Variants in GSR observed in about 807,000 individuals in gnomAD.
GSR encodes the protein glutathione reductase, mitochondrial.
Under a neutral mutation model 56.5 loss-of-function variants are expected in GSR, and 48 were observed. The ratio of observed to expected loss-of-function variants is 0.85; its 90% confidence interval spans 0.67 to 1.08. GSR has a LOEUF of 1.08. Among genes scored for constraint, GSR ranks in the 50% least tolerant of loss-of-function variants. The pLI is 0.00. For missense variants in GSR, 694 were observed against 703.3 expected (o/e 0.99, Z 0.15); for synonymous variants, 264 against 270.8 (o/e 0.97, Z 0.25).
At chr8:30,719,096 AT>A (rs1397751340) in intron 1 of GSR, among the ~76,000 whole-genome samples, 2 of 116,906 alleles carry the variant, frequency 1.7e-5, no homozygotes, top group Admixed American at 1.2e-4. Context: ...CGCCCAGCTA[AT>A]TTTTAAATTT....
intron 1 of GSR, among the ~76,000 whole-genome samples, chr8:30,724,366 C>A (rs1804654123): frequency 6.6e-6 from 1 of 152,074 alleles, no homozygotes; most frequent in South Asian, 2.1e-4. Context: ...CACTGTGTGT[C>A]CAGAAACTCC....
chr8:30,682,876 G>A (rs191222758), intron 10 of GSR, among the ~76,000 whole-genome samples: 65 of 151,594 alleles, frequency 4.3e-4, no homozygotes, highest in African/African-American at 1.5e-3. Context: ...TTGCCAGGCT[G>A]GAGAGCAGTG....
At chr8:30,696,604 TAA>T in intron 6 of GSR, 125 bp from the exon 7 acceptor site, 1 of 715,926 alleles carries the variant, frequency 1.4e-6, no homozygotes, top group Non-Finnish European at 2.6e-6. Context: ...CAGTTTTCCC[TAA>T]AGTTAATATT....
At chr8:30,718,904 C>G (rs1435593373) in intron 1 of GSR, among the ~76,000 whole-genome samples, 2 of 130,720 alleles carry the variant, frequency 1.5e-5, no homozygotes, top group East Asian at 4.8e-4. Flanking sequence ...ACCACTATGC[C>G]CTGCTAAGGT....
chr8:30,713,040 CT>C (rs923608020), intron 1 of GSR, among the ~76,000 whole-genome samples: 185 of 145,578 alleles, frequency 1.3e-3, no homozygotes, highest in Non-Finnish European at 1.3e-3. Context: ...CAGAAAACTA[CT>C]TTTTTTTTTT....
intron 10 of GSR, 69 bp downstream of exon 10, chr8:30,684,019 G>T: frequency 3.6e-6 from 3 of 835,004 alleles, no homozygotes; most frequent in South Asian, 2.6e-5. Context: ...CTGCAGATTT[G>T]ACAGTGAAGA....
chr8:30,702,341 A>C (rs915984783), intron 5 of GSR, among the ~76,000 whole-genome samples: 2 of 151,924 alleles, frequency 1.3e-5, no homozygotes, highest in Non-Finnish European at 2.9e-5. Context: ...ATAAATAAAT[A>C]AATAATAAAA....
At chr8:30,722,590 TG>T (rs1180245772) in intron 1 of GSR, among the ~76,000 whole-genome samples, 1 of 151,768 alleles carries the variant, frequency 6.6e-6, no homozygotes, top group Non-Finnish European at 1.5e-5. Context: ...AGCCAGGGCA[TG>T]GTGGTGGCCA....
chr8:30,719,466 G>C (rs1189707454), intron 1 of GSR, among the ~76,000 whole-genome samples: 1 of 151,568 alleles, frequency 6.6e-6, no homozygotes, highest in African/African-American at 2.4e-5. Flanking sequence ...GACCAGGCTG[G>C]TCTCAAACTC....
At chr8:30,715,859 CTTCTTT>C (rs1804315080) in intron 1 of GSR, among the ~76,000 whole-genome samples, 1 of 152,046 alleles carries the variant, frequency 6.6e-6, no homozygotes, top group Non-Finnish European at 1.5e-5. Flanking sequence ...TTATTTAAGG[CTTCTTT>C]TTCTAATTTT....
In GSR at chr8:30,727,637, A is replaced by G; in HGVS notation, c.199T>C (p.Tyr67His). The stretch of plus-strand genomic sequence containing the variant: ...CCCGAGCCGCCCCCGATCACCAGGT[A>G]GTCATAGGAGGCCACGGCGCCAGCA... ...PAAGAVASYD[Y>H]LVIGGGSGGL... The change falls in exon 1 of 13, where the codon TAC becomes CAC. Residue 67 changes from tyrosine to histidine, a missense_variant. Transcript: ENST00000221130. 4.0e-6 allele frequency: 6 copies of G among 1,483,210 alleles called. No homozygotes were observed. Among genetic ancestry groups the G allele is most frequent in the East Asian group, 2.8e-5 (1 of 36,100 alleles). 91.9% of individuals were successfully genotyped at this position (1,483,210 alleles called of 1,614,324 possible).
Position 30,679,149 on chromosome 8 carries a change from C to CA in GSR, c.*370dup, listed in dbSNP as rs35555269. 0.25 allele frequency: 26,979 copies of CA among 108,478 alleles called. 2,501 individuals are homozygous for CA. Among genetic ancestry groups the CA allele is most frequent in the East Asian group, 0.42 (1,520 of 3,658 alleles). 6.7% of individuals were successfully genotyped at this position (108,478 alleles called of 1,614,324 possible). On this transcript the variant is annotated 3_prime_UTR_variant, in exon 13 of 13. Transcript: ENST00000221130. ...GGGCAATGAGAGCAAAACTCTGTCT[C>CA]AAAAAAAAAAAAAAAAAAAGTAGCA... is the stretch of plus-strand genomic sequence containing the variant.
At chr8:30,697,307 G>A (rs373203789) in intron 6 of GSR, among the ~76,000 whole-genome samples, 13 of 152,052 alleles carry the variant, frequency 8.5e-5, no homozygotes, top group African/African-American at 1.9e-4. Flanking sequence ...CCAGCTACTC[G>A]GGAGGCTGAG....
At chr8:30,700,400 G>A (rs1004944801) in intron 5 of GSR, among the ~76,000 whole-genome samples, 4 of 151,860 alleles carry the variant, frequency 2.6e-5, no homozygotes, top group Non-Finnish European at 5.9e-5. Context: ...GTCATGAACA[G>A]ACTCTGTTGG....
intron 8 of GSR, among the ~76,000 whole-genome samples, chr8:30,689,739 T>C (rs1465407571): frequency 1.9e-5 from 1 of 52,398 alleles, no homozygotes; most frequent in Non-Finnish European, 3.7e-5. Context: ...TATATACGTG[T>C]GTGTGTGTAT....
intron 2 of GSR, among the ~76,000 whole-genome samples, chr8:30,710,680 G>A (rs1426924478): frequency 6.2e-5 from 7 of 113,636 alleles, no homozygotes; most frequent in African/African-American, 2.3e-4. Flanking sequence ...TCACACCACT[G>A]CATTCCGGCC....
intron 1 of GSR, among the ~76,000 whole-genome samples, chr8:30,716,867 C>T (rs1275200256): frequency 2.0e-5 from 3 of 152,130 alleles, no homozygotes; most frequent in African/African-American, 7.2e-5. Context: ...GAAAAGCTGG[C>T]ATGCTCTCGC....
chr8:30,718,008 G>A (rs1474978890), intron 1 of GSR, among the ~76,000 whole-genome samples: 2 of 151,960 alleles, frequency 1.3e-5, no homozygotes, highest in Non-Finnish European at 2.9e-5. Context: ...GGCTGAGGCA[G>A]GAGAATCGCT....
intron 1 of GSR, among the ~76,000 whole-genome samples, chr8:30,713,370 T>C (rs527274183): frequency 4.6e-5 from 7 of 151,646 alleles, no homozygotes; most frequent in Non-Finnish European, 1.0e-4. Context: ...TTGGTTGTTT[T>C]TTTTTTGAGA....
Sources: allele counts gnomAD v4.1 joint callset (sites outside exome capture counted in the v4.1 genomes callset), GRCh38; gene constraint gnomAD v4.1.1; transcripts MANE v1.5; gene names NCBI Gene and HGNC (gene_info 2026-07-23, HGNC 2026-07-21).